The following SCUBE1 variants were observed in gnomAD, a reference collection of about 807,000 sequenced individuals.
The protein encoded by SCUBE1 is signal peptide, CUB domain and EGF like domain containing 1, also known as signal peptide, CUB and EGF-like domain-containing protein 1.
SCUBE1 carries 59 observed loss-of-function variants against 124.4 expected under a neutral mutation model. That is an observed-to-expected ratio of 0.47 (90% CI 0.38 to 0.59). SCUBE1 has a LOEUF of 0.59. Among genes scored for constraint, SCUBE1 ranks in the 20% least tolerant of loss-of-function variants. The probability of loss-of-function intolerance (pLI) is 0.00; values close to 1 mark genes in which losing one functional copy is unlikely to be tolerated. For missense variants in SCUBE1, 1,150 were observed against 1,371.2 expected, an observed-to-expected ratio of 0.84 and a Z score of 2.55; for synonymous variants, 545 against 550.9, an observed-to-expected ratio of 0.99 and a Z score of 0.15.
intron 3 of SCUBE1, among the ~76,000 whole-genome samples, chr22:43,311,505 C>G (rs1436099252): frequency 6.6e-6 from 1 of 150,860 alleles, no homozygotes; most frequent in African/African-American, 2.4e-5. Flanking sequence ...ATTGCAACCT[C>G]TGCCCCCCGG....
intron 4 of SCUBE1, among the ~76,000 whole-genome samples, chr22:43,278,658 T>A (rs1043476652): frequency 2.6e-5 from 4 of 152,192 alleles, no homozygotes; most frequent in African/African-American, 9.7e-5. Flanking sequence ...TTGGCTTGTT[T>A]CTTTGAGTCT....
At chr22:43,301,167 C>T (rs937923016) in intron 3 of SCUBE1, among the ~76,000 whole-genome samples, 9 of 152,150 alleles carry the variant, frequency 5.9e-5, no homozygotes, top group Admixed American at 5.2e-4. Context: ...AAATTCACCA[C>T]GAGTACAACA....
Position 43,201,649 on chromosome 22 carries a change from G to A in SCUBE1, c.*2348C>T, listed in dbSNP as rs190945809. On this transcript the variant is annotated 3_prime_UTR_variant, in exon 22 of 22. Coordinates refer to ENST00000360835, the MANE Select transcript of SCUBE1 (RefSeq NM_173050.5). ...CTCACAGGGTGGCCCCTGGCTTCTC[G>A]GGCTTTGGACTCAGACTGAGTTACG... The A allele has an allele frequency of 2.0e-5, 3 of 151,816 alleles. No homozygotes were observed. Among genetic ancestry groups the A allele is most frequent in the Admixed American group, 1.3e-4 (2 of 15,258 alleles). 9.4% of individuals were successfully genotyped at this position (151,816 alleles called of 1,614,324 possible). A position where few individuals can be genotyped will look rare whatever the true frequency, so the allele number is the denominator to read the frequency against.
At chr22:43,223,259 G>A (rs774987569) in intron 10 of SCUBE1, 43 bp from the exon 11 acceptor site, 32 of 1,535,040 alleles carry the variant, frequency 2.1e-5, no homozygotes, top group Non-Finnish European at 2.7e-5. Context: ...AGGCCAGGGC[G>A]GAGGCTTCCT....
At chr22:43,250,879 G>A (rs1436337851) in intron 6 of SCUBE1, among the ~76,000 whole-genome samples, 1 of 152,196 alleles carries the variant, frequency 6.6e-6, no homozygotes, top group East Asian at 1.9e-4. Context: ...ATGCTACTGG[G>A]CCTGCAGAAC....
chr22:43,254,654 T>A (rs1339037937), intron 6 of SCUBE1, among the ~76,000 whole-genome samples: 2 of 152,122 alleles, frequency 1.3e-5, no homozygotes, highest in Non-Finnish European at 2.9e-5. Flanking sequence ...ACCCCATAGC[T>A]GCAAACACTG....
At chr22:43,264,755 G>A (rs568717248) in intron 4 of SCUBE1, among the ~76,000 whole-genome samples, 2 of 152,316 alleles carry the variant, frequency 1.3e-5, no homozygotes, top group African/African-American at 4.8e-5. Flanking sequence ...TGCCTGCTGG[G>A]CAGCCCCCGA....
At chr22:43,233,976 T>C (rs558968778) in intron 7 of SCUBE1, among the ~76,000 whole-genome samples, 3 of 151,772 alleles carry the variant, frequency 2.0e-5, no homozygotes, top group Non-Finnish European at 4.4e-5. Context: ...GCTCCCATTT[T>C]ACAGATGAGG....
Position 43,203,401 on chromosome 22 carries a change from G to C in SCUBE1, c.*596C>G, listed in dbSNP as rs1921087192. The C allele has an allele frequency of 1.4e-5, 2 of 147,626 alleles. No individual in the cohort carries two copies. The highest frequency in any genetic ancestry group is 4.2e-4 in the South Asian group (2 of 4,760). The allele number at this position is 147,626 out of a possible 1,614,324, so 9.1% of individuals were successfully genotyped here. ...ATATATATATTTATATATATATATA[G>C]AGTACTTCATTAAATGTTCTGTTGA... is the stretch of plus-strand genomic sequence containing the variant. On this transcript the variant is annotated 3_prime_UTR_variant, in exon 22 of 22. Coordinates refer to ENST00000360835, the MANE Select transcript of SCUBE1 (RefSeq NM_173050.5).
chr22:43,292,276 G>A (rs1188185645), intron 3 of SCUBE1, among the ~76,000 whole-genome samples: 1 of 152,190 alleles, frequency 6.6e-6, no homozygotes, highest in African/African-American at 2.4e-5. Flanking sequence ...CACTCTCGGG[G>A]AGAGGCAGAC....
intron 3 of SCUBE1, among the ~76,000 whole-genome samples, chr22:43,303,362 G>A (rs544624380): frequency 2.0e-5 from 3 of 152,236 alleles, no homozygotes; most frequent in African/African-American, 7.2e-5. Flanking sequence ...CCCCATCCAT[G>A]CCCTGCATTG....
chr22:43,288,821 T>C (rs1925247499), intron 4 of SCUBE1, among the ~76,000 whole-genome samples: 1 of 152,154 alleles, frequency 6.6e-6, no homozygotes, highest in South Asian at 2.1e-4. Context: ...TGGAGTGAGC[T>C]TGTCTTTGGG....
intron 1 of SCUBE1, among the ~76,000 whole-genome samples, chr22:43,342,111 A>G (rs1927336459): frequency 6.6e-6 from 1 of 151,902 alleles, no homozygotes; most frequent in Admixed American, 6.6e-5. Flanking sequence ...AGACCTCAGG[A>G]AGCCGGGAAG....
At chr22:43,324,978 C>T (rs1361304652) in intron 2 of SCUBE1, among the ~76,000 whole-genome samples, 1 of 148,786 alleles carries the variant, frequency 6.7e-6, no homozygotes. Flanking sequence ...GGCCTTAATA[C>T]AATGCTGCTG....
In SCUBE1 at chr22:43,201,833, C is replaced by A. The variant is rs898678867; in HGVS notation, c.*2164G>T. 6.6e-6 allele frequency: 1 copy of A among 152,252 alleles called. No homozygotes were observed. Among genetic ancestry groups the A allele is most frequent in the East Asian group, 1.9e-4 (1 of 5,198 alleles). The allele number at this position is 152,252 out of a possible 1,614,324, so 9.4% of individuals were successfully genotyped here. A position where few individuals can be genotyped will look rare whatever the true frequency, so the allele number is the denominator to read the frequency against. On this transcript the variant is annotated 3_prime_UTR_variant, in exon 22 of 22. Coordinates refer to ENST00000360835, the MANE Select transcript of SCUBE1 (RefSeq NM_173050.5). ...GGAGAACACTCGTGAAGAGGCGACACCCCTCCCGGCACCTTCCTCAGGAGC... is the reference window on the plus strand; with the variant it reads ...GGAGAACACTCGTGAAGAGGCGACAACCCTCCCGGCACCTTCCTCAGGAGC...
At position 43,292,556 on chromosome 22, in the gene SCUBE1, A is replaced by ACACACACAC. The variant is rs1925402162; in HGVS notation, c.350-1377_350-1376insGTGTGTGTG. ...TGCTTCTAGCCAATCCCCGGTCCCTAACACACACACACACACACACACACA... is the reference window on the plus strand; with the variant it reads ...TGCTTCTAGCCAATCCCCGGTCCCTACACACACACACACACACACACACACACACACACA... On this transcript the variant is annotated intron_variant, in intron 3 of 21. Coordinates refer to ENST00000360835, the MANE Select transcript of SCUBE1 (RefSeq NM_173050.5). Among the ~76,000 whole-genome samples the ACACACACAC allele has an allele frequency of 3.9e-3, 551 of 139,668 alleles. 1 individual carries two copies. The highest frequency in any genetic ancestry group is 6.8e-3 in the Non-Finnish European group (439 of 64,850). 91.6% of individuals were successfully genotyped at this position (139,668 alleles called of 152,430 possible). A position where few individuals can be genotyped will look rare whatever the true frequency, so the allele number is the denominator to read the frequency against.
At chr22:43,235,276 G>A in intron 7 of SCUBE1, among the ~76,000 whole-genome samples, 1 of 152,150 alleles carries the variant, frequency 6.6e-6, no homozygotes, top group East Asian at 1.9e-4. Flanking sequence ...TGTGCATGGG[G>A]GCAGGGCGAT....
chr22:43,245,861 G>T (rs1923189435), intron 6 of SCUBE1, among the ~76,000 whole-genome samples: 1 of 152,230 alleles, frequency 6.6e-6, no homozygotes, highest in Admixed American at 6.5e-5. Flanking sequence ...AAGGCAGCAG[G>T]CGGGGCCTCA....
chr22:43,208,245 C>A, intron 19 of SCUBE1, 21 bp from the exon 20 acceptor site: 1 of 1,613,114 alleles, frequency 6.2e-7, no homozygotes, highest in African/African-American at 1.3e-5. Context: ...AGCATCATTG[C>A]TGAGCTGCCA....
Sources: gnomAD v4.1 joint callset for allele counts (sites outside exome capture counted in the v4.1 genomes callset) on GRCh38, gnomAD v4.1.1 for gene constraint, MANE v1.5 for transcripts, NCBI Gene and HGNC (gene_info 2026-07-23, HGNC 2026-07-21) for gene names.